The following TMEM259 variants were observed in gnomAD, a reference collection of about 807,000 sequenced individuals.
The protein encoded by TMEM259 is membralin.
Under a neutral mutation model 46.7 loss-of-function variants are expected in TMEM259, and 26 were observed. The observed-to-expected ratio is 0.56, with a 90% CI of 0.41 to 0.77. The LOEUF (loss-of-function observed/expected upper bound fraction) is 0.77, where lower values mean the gene tolerates loss of function less well. Among genes scored for constraint, TMEM259 ranks in the 30% least tolerant of loss-of-function variants. TMEM259 has a pLI of 0.00. For synonymous variants in TMEM259, 494 were observed against 395.1 expected (o/e 1.25, Z -2.97); for missense variants, 930 against 900.5 (o/e 1.03, Z -0.42).
intron 1 of TMEM259, chr19:1,017,273 G>T (rs1333953683): frequency 1.0e-5 from 4 of 399,812 alleles, no homozygotes; most frequent in Non-Finnish European, 1.8e-5. Context: ...TCCCCAGGGA[G>T]CTCACCTGCA....
At position 1,011,760 on chromosome 19, in the gene TMEM259, G is replaced by C. The variant is rs1318009114; in HGVS notation, c.981C>G (p.His327Gln). The C allele has an allele frequency of 8.3e-6, 13 of 1,558,074 alleles. No individual in the cohort carries two copies. The highest frequency in any genetic ancestry group is 1.1e-5 in the Non-Finnish European group (13 of 1,150,696). The change falls in exon 7 of 11, where the codon CAC becomes CAG. Residue 327 changes from histidine (H) to glutamine (Q), a missense_variant. Coordinates refer to ENST00000356663, the MANE Select transcript of TMEM259 (RefSeq NM_001033026.2). ...SVSMLLRYSH[H>Q]QIFVFIVDLL... is the part of the protein sequence containing the mutation. The stretch of plus-strand genomic sequence containing the variant: ...ACTCACCGATGAAGACGAAGATCTG[G>C]TGGTGTGAGTACCGCAGCAGCATGG...
intron 2 of TMEM259, 37 bp downstream of exon 2, chr19:1,014,155 C>T: frequency 6.3e-7 from 1 of 1,587,754 alleles, no homozygotes; most frequent in South Asian, 1.1e-5. Flanking sequence ...CTACGGGGCG[C>T]TGGCCTCTGC....
At position 1,011,183 on chromosome 19, in the gene TMEM259, G is replaced by A. The variant is rs374844755; in HGVS notation, c.1230C>T (p.Leu410=). ...GATAGGCATAGAAGGCGAAGTGGTA[G>A]AGATAGAAGAACCTGCGGGGCGGGG... The part of the protein sequence containing the change: ...SKRHWLRFFY[L]YHFAFYAYHY... The change falls in exon 10 of 11, where the codon CTC becomes CTT. Residue 410 remains leucine, a synonymous_variant. Transcript: ENST00000356663. 3.8e-6 allele frequency: 6 copies of A among 1,598,884 alleles called. No homozygotes were observed. The highest frequency in any genetic ancestry group is 1.1e-5 in the South Asian group (1 of 89,120).
intron 10 of TMEM259, 58 bp from the exon 11 acceptor site, chr19:1,010,953 C>T: frequency 6.4e-7 from 1 of 1,563,018 alleles, no homozygotes. Context: ...CCAGCCGCTG[C>T]TCCCAGAGGG....
chr19:1,011,441 G>A lies in TMEM259; in HGVS notation c.1143C>T (p.Ile381=), dbSNP rs1599471902. ...ACTGGTCCGCGAGCCACACGATGAG[G>A]ATGATGTAGAAGGCGGTGGTGGTGT... ...FNDTTTAFYI[I]LIVWLADQYD... The change falls in exon 9 of 11, where the codon ATC becomes ATT. Residue 381 remains isoleucine, a synonymous_variant. Transcript: ENST00000356663. 1.3e-6 allele frequency: 2 copies of A among 1,568,312 alleles called. No homozygotes were observed. Among genetic ancestry groups the A allele is most frequent in the Non-Finnish European group, 8.6e-7 (1 of 1,157,082 alleles).
intron 1 of TMEM259, among the ~76,000 whole-genome samples, chr19:1,018,578 A>G (rs1207705499): frequency 6.6e-6 from 1 of 152,228 alleles, no homozygotes; most frequent in East Asian, 1.9e-4. Context: ...AACTCAAGGC[A>G]GCCTCTGAAA....
chr19:1,020,459 G>A lies in TMEM259; in HGVS notation c.225+313C>T, dbSNP rs1462721544. Reference sequence around the variant, plus strand: ...GGACCTGGGAAAGGCGGTCGCCGGGGACAGGATGGGCCCTGGAGGGAGCTG... The same window carrying A: ...GGACCTGGGAAAGGCGGTCGCCGGGAACAGGATGGGCCCTGGAGGGAGCTG... On this transcript the variant is annotated intron_variant, in intron 1 of 10. Coordinates refer to ENST00000356663, the MANE Select transcript of TMEM259 (RefSeq NM_001033026.2). The surrounding 1 kb of genome is among the most constrained non-coding windows in gnomAD (Gnocchi z 4.0). 1.4e-5 allele frequency among the ~76,000 whole-genome samples: 2 copies of A among 145,700 alleles called. No homozygotes were observed. Among genetic ancestry groups the A allele is most frequent in the Non-Finnish European group, 3.0e-5 (2 of 65,954 alleles).
At chr19:1,011,545 A>AGCGC in intron 8 of TMEM259, 35 bp downstream of exon 8, 1 of 1,188,536 alleles carries the variant, frequency 8.4e-7, no homozygotes, top group African/African-American at 1.6e-5. Context: ...GGCGGGGTGC[A>AGCGC]GCGCGGGGCG....
chr19:1,018,818 T>G (rs1444971486), intron 1 of TMEM259, among the ~76,000 whole-genome samples: 1 of 151,914 alleles, frequency 6.6e-6, no homozygotes, highest in Admixed American at 6.6e-5. Context: ...AAACCCAGTC[T>G]CTACTAAAAA....
At position 1,010,756 on chromosome 19, in the gene TMEM259, G is replaced by C. The variant is rs10401738; in HGVS notation, c.1457C>G (p.Ser486Trp). 6 of 1,540,384 alleles carry C rather than the reference G, an allele frequency of 3.9e-6. No homozygotes were observed. The Admixed American group carries it at 9.7e-5, about 25-fold the overall frequency. The change falls in exon 11 of 11, where the codon TCG (serine) becomes TGG (tryptophan). Residue 486 changes from serine (S) to tryptophan (W), a missense_variant. By Grantham distance (177) the Ser-to-Trp change is radical. Coordinates refer to ENST00000356663, the MANE Select transcript of TMEM259 (RefSeq NM_001033026.2). ...TALPDDMNNN[S>W]GAPATAPDSA... Reference sequence around the variant, plus strand: ...GTCAGGGGCTGTAGCCGGGGCGCCCGAGTTGTTGTTCATGTCATCGGGCAG... The same window carrying C: ...GTCAGGGGCTGTAGCCGGGGCGCCCCAGTTGTTGTTCATGTCATCGGGCAG...
chr19:1,010,269 G>A lies in TMEM259; in HGVS notation c.*81C>T. ...GGCTGGGCAGTCCCAGAGGAAGGAGGTGGCTGGCCTCCCCCACCCCCACGG... is the reference window on the plus strand; with the variant it reads ...GGCTGGGCAGTCCCAGAGGAAGGAGATGGCTGGCCTCCCCCACCCCCACGG... On this transcript the variant is annotated 3_prime_UTR_variant, in exon 11 of 11. Coordinates refer to ENST00000356663, the MANE Select transcript of TMEM259 (RefSeq NM_001033026.2). 3.9e-6 allele frequency: 5 copies of A among 1,276,956 alleles called. No individual in the cohort carries two copies. The highest frequency in any genetic ancestry group is 3.4e-5 in the Admixed American group (1 of 29,272). 79.1% of individuals were successfully genotyped at this position (1,276,956 alleles called of 1,614,324 possible).
At chr19:1,014,578 C>A in intron 1 of TMEM259, 105 bp from the exon 2 acceptor site, 4 of 1,326,640 alleles carry the variant, frequency 3.0e-6, no homozygotes, top group Non-Finnish European at 4.1e-6. Context: ...ACGCCCAGGA[C>A]GGGGAAAGGA....
At chr19:1,013,135 C>G in intron 3 of TMEM259, 106 bp downstream of exon 3, 1 of 1,019,348 alleles carries the variant, frequency 9.8e-7, no homozygotes, top group Non-Finnish European at 1.5e-6. Flanking sequence ...CGGTCCAGGA[C>G]ATGCAGCCAG....
intron 2 of TMEM259, chr19:1,013,737 C>T: frequency 7.1e-6 from 2 of 280,924 alleles, no homozygotes; most frequent in Non-Finnish European, 1.4e-5. Flanking sequence ...AACACAGCCA[C>T]CTGGTCCCAC....
chr19:1,012,389 C>T (rs1264797082), intron 4 of TMEM259, 74 bp downstream of exon 4: 6 of 1,523,070 alleles, frequency 3.9e-6, no homozygotes, highest in Non-Finnish European at 5.3e-6. Context: ...CCGTCCCGCA[C>T]CAGCAGGAGG....
At chr19:1,012,792 C>T (rs1482916550) in intron 3 of TMEM259, among the ~76,000 whole-genome samples, 2 of 152,190 alleles carry the variant, frequency 1.3e-5, no homozygotes, top group Non-Finnish European at 1.5e-5. Flanking sequence ...CTCCTCCTCC[C>T]GTGGCCCCCT....
chr19:1,016,555 G>A (rs2039116979), intron 1 of TMEM259, among the ~76,000 whole-genome samples: 1 of 152,256 alleles, frequency 6.6e-6, no homozygotes, highest in African/African-American at 2.4e-5. Context: ...TCCAAAAAGT[G>A]CTGATACACA....
intron 1 of TMEM259, among the ~76,000 whole-genome samples, chr19:1,019,663 C>T (rs947172739): frequency 5.3e-5 from 8 of 152,228 alleles, no homozygotes; most frequent in African/African-American, 1.9e-4. Flanking sequence ...AAAAAGCAGC[C>T]AGCTCCTGAC....
At position 1,015,394 on chromosome 19, in the gene TMEM259, G is replaced by A. The variant is rs143213385; in HGVS notation, c.226-921C>T. Among the ~76,000 whole-genome samples the A allele has an allele frequency of 1.2e-3, 178 of 152,302 alleles. 1 individual carries two copies. Among genetic ancestry groups the A allele is most frequent in the Non-Finnish European group, 2.0e-3 (138 of 68,002 alleles). The stretch of plus-strand genomic sequence containing the variant: ...GTGCCCAGGACGGCCCCACCCCGAC[G>A]TCCACAGGGCTTGGGGAGCCCACGC... On this transcript the variant is annotated intron_variant, in intron 1 of 10. Transcript: ENST00000356663.
Sources: gnomAD v4.1 joint callset for allele counts (sites outside exome capture counted in the v4.1 genomes callset) on GRCh38, gnomAD v4.1.1 for gene constraint, Gnocchi (gnomAD v3.1) non-coding constraint, MANE v1.5 for transcripts, NCBI Gene and HGNC (gene_info 2026-07-23, HGNC 2026-07-21) for gene names.